Variants in ZDHHC23 observed in about 807,000 individuals in gnomAD.
ZDHHC23 encodes palmitoyltransferase ZDHHC23.
ZDHHC23 carries 41 observed loss-of-function variants against 40.2 expected under a neutral mutation model. The ratio of observed to expected loss-of-function variants is 1.02; its 90% CI spans 0.79 to 1.32. The LOEUF is 1.32. Among genes scored for constraint, ZDHHC23 ranks in the 40% most tolerant of loss-of-function variants. ZDHHC23 has a pLI of 0.00. For missense variants in ZDHHC23, 471 were observed against 541.5 expected (o/e 0.87, Z 1.29); for synonymous variants, 204 against 210.2 (o/e 0.97, Z 0.26).
the ZDHHC23 span, among the ~76,000 whole-genome samples, chr3:113,971,717 TCA>T: frequency 6.6e-6 from 1 of 152,136 alleles, no homozygotes; most frequent in Admixed American, 6.5e-5. Context: ...TCCCTCCTCT[TCA>T]GTTTTTTTTT....
At chr3:113,957,806 G>A (rs755572363) in intron 4 of ZDHHC23, 1 of 518,648 alleles carries the variant, frequency 1.9e-6, no homozygotes, top group African/African-American at 1.9e-5. Context: ...ATTGTGTTGG[G>A]CTTTAGGAGG....
the ZDHHC23 span, chr3:113,979,143 C>G: frequency 1.3e-6 from 1 of 796,526 alleles, no homozygotes; most frequent in Non-Finnish European, 2.0e-6. Context: ...GTACATGCAG[C>G]CTGTGTCCTA....
rs1156865172 is a variant in ZDHHC23, at chr3:113,958,744, T to A, written c.*114T>A. Reference sequence around the variant, plus strand: ...GTTTCTTAAAGGCATTATAGGGCCATGCTCAGGTTTAGAGACTGGAGTGGG... The same window carrying A: ...GTTTCTTAAAGGCATTATAGGGCCAAGCTCAGGTTTAGAGACTGGAGTGGG... On this transcript the variant is annotated 3_prime_UTR_variant, in exon 5 of 5. Transcript: ENST00000638807. 1.3e-6 allele frequency: 2 copies of A among 1,580,590 alleles called. No homozygotes were observed. The highest frequency in any genetic ancestry group is 1.7e-4 in the Middle Eastern group (1 of 5,980).
At chr3:113,967,567 A>G (rs188539233), downstream of ZDHHC23, among the ~76,000 whole-genome samples, 1 of 152,328 alleles carries the variant, frequency 6.6e-6, no homozygotes, top group Admixed American at 6.5e-5. Flanking sequence ...ACATTCATGT[A>G]ATGTGTAAAG....
intron 3 of ZDHHC23, among the ~76,000 whole-genome samples, chr3:113,954,637 GTTTT>G (rs139751430): frequency 2.8e-4 from 42 of 147,692 alleles, no homozygotes; most frequent in Middle Eastern, 3.5e-3. Context: ...AACTTGTGGG[GTTTT>G]TTTTTTCTCA....
chr3:113,974,320 TTTTG>T, the ZDHHC23 span, among the ~76,000 whole-genome samples: 2 of 145,698 alleles, frequency 1.4e-5, no homozygotes, highest in Non-Finnish European at 3.0e-5. Flanking sequence ...ATTTGCTGTT[TTTTG>T]TTTTTTTTTT....
At chr3:113,978,323 A>G in the ZDHHC23 span, 8 of 1,613,832 alleles carry the variant, frequency 5.0e-6, no homozygotes, top group South Asian at 4.4e-5. Flanking sequence ...CCTGCAGATC[A>G]ATCACGTACT....
the ZDHHC23 span, among the ~76,000 whole-genome samples, chr3:113,970,522 A>G: frequency 6.6e-6 from 1 of 152,020 alleles, no homozygotes; most frequent in Admixed American, 6.6e-5. Flanking sequence ...TATTATATTG[A>G]ATAAAAGTGC....
chr3:113,975,362 T>C, the ZDHHC23 span, among the ~76,000 whole-genome samples: 1 of 152,200 alleles, frequency 6.6e-6, no homozygotes, highest in Non-Finnish European at 1.5e-5. Context: ...CTCTTCTATA[T>C]GGTATTATTT....
In ZDHHC23 at chr3:113,958,543, G is replaced by A. The variant is rs1257621208; in HGVS notation, c.1221G>A (p.Gln407=). 1 of 1,612,906 alleles carries A rather than the reference G, an allele frequency of 6.2e-7. No individual in the cohort carries two copies. The highest frequency in any genetic ancestry group is 1.1e-5 in the South Asian group (1 of 91,086). Residue 407 remains glutamine, a synonymous_variant, in exon 5 of 5, where the codon CAG becomes CAA. Transcript: ENST00000638807. ...GCGGGCTCATCGTGGACACAGGCCA[G>A]TACAATAGGGGCTTCCTGCGGAACT... ...LLCGLIVDTG[Q]YNRGFLRNWH...
chr3:113,967,656 C>A (rs995553187), downstream of ZDHHC23, among the ~76,000 whole-genome samples: 1 of 152,104 alleles, frequency 6.6e-6, no homozygotes, highest in Non-Finnish European at 1.5e-5. Flanking sequence ...AAGTTATTCT[C>A]TTCTGGTTAT....
the ZDHHC23 span, chr3:113,978,993 G>A: frequency 5.0e-6 from 8 of 1,613,656 alleles, no homozygotes; most frequent in Non-Finnish European, 6.8e-6. Context: ...GGAACAAAGA[G>A]TAATGTTCTT....
downstream of ZDHHC23, among the ~76,000 whole-genome samples, chr3:113,968,575 C>T (rs1400337893): frequency 1.3e-5 from 2 of 151,650 alleles, no homozygotes; most frequent in African/African-American, 2.4e-5. Context: ...TCAGCCTCCC[C>T]AGTAGCTGGG....
chr3:113,949,565 C>T (rs1938465144), intron 2 of ZDHHC23, among the ~76,000 whole-genome samples: 1 of 152,074 alleles, frequency 6.6e-6, no homozygotes, highest in Non-Finnish European at 1.5e-5. Context: ...AAATTACTAT[C>T]CAAAAAGAGA....
rs986341760 is a variant in ZDHHC23 at position 113,955,969 on chromosome 3, C to T, written c.873-370C>T. On this transcript the variant is annotated intron_variant, in intron 3 of 4. Transcript: ENST00000638807. ...TATTTAAAACCTTGTCTTGGCTGGG[C>T]GCAGTGGCTCATGCCTGTAATCCCA... Among the ~76,000 whole-genome samples, 7 of 152,176 alleles carry T rather than the reference C, an allele frequency of 4.6e-5. No homozygotes were observed. The East Asian group carries it at 9.6e-4, about 21-fold the overall frequency.
chr3:113,961,923 C>A lies in ZDHHC23; in HGVS notation c.*3293C>A, dbSNP rs1939707663. On this transcript the variant is annotated 3_prime_UTR_variant, in exon 5 of 5. Coordinates refer to ENST00000638807, the MANE Select transcript of ZDHHC23 (RefSeq NM_001320466.2). ...ACTAGTATAAGCAAAAATATAACATCTAGAAGCACAGTTTTAGCCAGGATG... is the reference window on the plus strand; with the variant it reads ...ACTAGTATAAGCAAAAATATAACATATAGAAGCACAGTTTTAGCCAGGATG... The A allele has an allele frequency of 6.6e-6, 1 of 152,590 alleles. No individual in the cohort carries two copies. The highest frequency in any genetic ancestry group is 1.5e-5 in the Non-Finnish European group (1 of 68,040). The allele number at this position is 152,590 out of a possible 1,614,324, so 9.5% of individuals were successfully genotyped here.
At chr3:113,969,438 G>C (rs1940575226), downstream of ZDHHC23, among the ~76,000 whole-genome samples, 1 of 152,244 alleles carries the variant, frequency 6.6e-6, no homozygotes, top group South Asian at 2.1e-4. Context: ...CAGTGGCCTG[G>C]AGCATTGTCT....
intron 2 of ZDHHC23, 29 bp from the exon 3 acceptor site, chr3:113,953,671 T>A: frequency 6.3e-7 from 1 of 1,575,866 alleles, no homozygotes; most frequent in Non-Finnish European, 8.6e-7. Context: ...CCACATGAAG[T>A]CCCTCCTCTT....
At chr3:113,965,322 A>T, downstream of ZDHHC23, 1 of 1,609,122 alleles carries the variant, frequency 6.2e-7, no homozygotes, top group Non-Finnish European at 8.5e-7. Context: ...AATTTTACAA[A>T]CTTCTTCCAT....
Sources: allele counts gnomAD v4.1 joint callset (sites outside exome capture counted in the v4.1 genomes callset), GRCh38; gene constraint gnomAD v4.1.1; transcripts MANE v1.5; gene names NCBI Gene and HGNC (gene_info 2026-07-23, HGNC 2026-07-21).